The following HTR1E variants were observed in gnomAD, a reference collection of about 807,000 sequenced individuals.
The protein encoded by HTR1E is 5-HT-1E.
Under a neutral mutation model 3.4 loss-of-function variants are expected in HTR1E, and 3 were observed. The ratio of observed to expected loss-of-function variants is 0.89; its 90% CI spans 0.41 to 2.31. The LOEUF (loss-of-function observed/expected upper bound fraction) is 2.31. Ranked by LOEUF, HTR1E falls within the 30% of genes most tolerant of loss-of-function variation. HTR1E has a pLI of 0.05. For missense variants in HTR1E, 392 were observed against 467.0 expected (o/e 0.84, Z 1.48); for synonymous variants, 170 against 182.8 (o/e 0.93, Z 0.56).
intron 1 of HTR1E, among the ~76,000 whole-genome samples, chr6:86,950,802 T>G (rs1459645248): frequency 2.6e-5 from 4 of 152,150 alleles, no homozygotes; most frequent in African/African-American, 9.7e-5. Flanking sequence ...AAAAAGTGCC[T>G]TTGGGGGTTA....
chr6:86,940,703 C>A (rs1205458891), intron 1 of HTR1E, among the ~76,000 whole-genome samples: 1 of 152,112 alleles, frequency 6.6e-6, no homozygotes, highest in Non-Finnish European at 1.5e-5. Flanking sequence ...CCCTGGAATT[C>A]TATTTCTGCA....
intron 1 of HTR1E, among the ~76,000 whole-genome samples, chr6:86,941,764 G>A (rs2127815021): frequency 6.6e-6 from 1 of 152,090 alleles, no homozygotes; most frequent in East Asian, 1.9e-4. Context: ...ATAGCTACCA[G>A]CAGCAGCAGC....
intron 1 of HTR1E, among the ~76,000 whole-genome samples, chr6:86,941,372 T>C (rs1562056755): frequency 6.6e-6 from 1 of 152,214 alleles, no homozygotes; most frequent in Non-Finnish European, 1.5e-5. Context: ...TCATTTTTAG[T>C]TCTCTTATTT....
At chr6:86,964,432 CTG>C (rs1767446841) in intron 1 of HTR1E, among the ~76,000 whole-genome samples, 1 of 152,202 alleles carries the variant, frequency 6.6e-6, no homozygotes, top group African/African-American at 2.4e-5. Context: ...GAATCACACT[CTG>C]TGGCAAGATG....
intron 1 of HTR1E, among the ~76,000 whole-genome samples, chr6:86,977,815 T>C (rs1767660856): frequency 6.6e-6 from 1 of 152,208 alleles, no homozygotes; most frequent in Non-Finnish European, 1.5e-5. Context: ...TGATTAGTGA[T>C]GTGGAGCATT....
At chr6:86,943,437 G>A (rs1184076329) in intron 1 of HTR1E, among the ~76,000 whole-genome samples, 3 of 152,162 alleles carry the variant, frequency 2.0e-5, no homozygotes, top group Non-Finnish European at 4.4e-5. Context: ...CAGAAGGCCT[G>A]GGTTAATACC....
intron 1 of HTR1E, among the ~76,000 whole-genome samples, chr6:86,969,576 C>T (rs1377745911): frequency 6.6e-6 from 1 of 152,186 alleles, no homozygotes; most frequent in Non-Finnish European, 1.5e-5. Context: ...GTCCCTGCAG[C>T]ATTCTGTGCA....
chr6:86,979,498 G>T (rs907796383), intron 1 of HTR1E, among the ~76,000 whole-genome samples: 1 of 152,218 alleles, frequency 6.6e-6, no homozygotes, highest in Non-Finnish European at 1.5e-5. Context: ...TGGCCTGGTT[G>T]AGAGGACAGA....
At chr6:87,006,797 A>G (rs565872016) in intron 1 of HTR1E, among the ~76,000 whole-genome samples, 17 of 152,324 alleles carry the variant, frequency 1.1e-4, no homozygotes, top group African/African-American at 4.1e-4. Context: ...GCTGGAAGCC[A>G]TTATCCTCAG....
intron 1 of HTR1E, among the ~76,000 whole-genome samples, chr6:86,967,621 G>A (rs1032771643): frequency 2.6e-5 from 4 of 152,132 alleles, no homozygotes; most frequent in Non-Finnish European, 5.9e-5. Context: ...ATATGCGAAA[G>A]AGAGGAAAGC....
At chr6:86,942,063 G>A (rs1024036854) in intron 1 of HTR1E, among the ~76,000 whole-genome samples, 16 of 152,282 alleles carry the variant, frequency 1.1e-4, no homozygotes, top group South Asian at 2.1e-4. Flanking sequence ...CCTGGTTAGC[G>A]ACAATATAAT....
chr6:86,956,884 G>A (rs1223576554), intron 1 of HTR1E, among the ~76,000 whole-genome samples: 2 of 152,112 alleles, frequency 1.3e-5, no homozygotes, highest in Non-Finnish European at 2.9e-5. Context: ...AGTCTTATGA[G>A]AATAAAATGA....
chr6:86,957,825 T>C (rs1767347508), intron 1 of HTR1E, among the ~76,000 whole-genome samples: 1 of 152,144 alleles, frequency 6.6e-6, no homozygotes, highest in South Asian at 2.1e-4. Flanking sequence ...CGAGATCTCA[T>C]GTGCATGGAA....
chr6:86,990,468 A>G (rs1050778144), intron 1 of HTR1E, among the ~76,000 whole-genome samples: 14 of 152,170 alleles, frequency 9.2e-5, no homozygotes, highest in Non-Finnish European at 1.5e-4. Flanking sequence ...TACAGGACAA[A>G]CGAAAACAGT....
rs911391045 is a variant in HTR1E at position 86,969,552 on chromosome 6, G to C, written c.-186+31729G>C. On this transcript the variant is annotated intron_variant, in intron 1 of 1. Transcript: ENST00000305344. ...CAAGACTTGGCAAAGAATGAATCAA[G>C]TGTTCCTTTTTTGGTCCCTGCAGCA... 2.0e-5 allele frequency among the ~76,000 whole-genome samples: 3 copies of C among 152,292 alleles called. No homozygotes were observed. The East Asian group carries it at 5.8e-4, about 29-fold the overall frequency.
chr6:86,984,682 C>T (rs75573328), intron 1 of HTR1E, among the ~76,000 whole-genome samples: 2,865 of 152,242 alleles, frequency 0.019, 111 homozygotes, highest in East Asian at 0.15. Context: ...TGGGAGGTAG[C>T]TTTTCTCTAC....
At chr6:86,966,954 A>T (rs935931392) in intron 1 of HTR1E, among the ~76,000 whole-genome samples, 1 of 152,208 alleles carries the variant, frequency 6.6e-6, no homozygotes, top group Non-Finnish European at 1.5e-5. Flanking sequence ...AGACAATACA[A>T]GGCACATAAA....
intron 1 of HTR1E, among the ~76,000 whole-genome samples, chr6:87,000,809 C>T (rs1468788978): frequency 6.6e-6 from 1 of 152,066 alleles, no homozygotes; most frequent in Non-Finnish European, 1.5e-5. Context: ...TCTGAATGTA[C>T]AAAATGCACT....
chr6:86,963,538 T>C (rs11964445), intron 1 of HTR1E, among the ~76,000 whole-genome samples: 32,620 of 152,058 alleles, frequency 0.21, 4,038 homozygotes, highest in African/African-American at 0.33. Flanking sequence ...TTCATACTCA[T>C]CCACCACTCA....
Sources: allele counts gnomAD v4.1 joint callset (sites outside exome capture counted in the v4.1 genomes callset), GRCh38; gene constraint gnomAD v4.1.1; transcripts MANE v1.5; gene names NCBI Gene and HGNC (gene_info 2026-07-23, HGNC 2026-07-21).